The following SGMS1 variants were observed in gnomAD, a reference collection of about 807,000 sequenced individuals.
The protein encoded by SGMS1 is sphingomyelin synthase 1.
In SGMS1, 13 loss-of-function variants were observed where a neutral mutation model predicts 46.2. The ratio of observed to expected loss-of-function variants is 0.28; its 90% CI spans 0.18 to 0.45. SGMS1 has a LOEUF of 0.45. SGMS1 is among the 20% of genes least tolerant of loss of function. The probability of loss-of-function intolerance (pLI) is 1.00; values close to 1 mark genes in which losing one functional copy is unlikely to be tolerated. For synonymous variants in SGMS1, 203 were observed against 187.8 expected (o/e 1.08, Z -0.66); for missense variants, 324 against 519.9 (o/e 0.62, Z 3.66).
chr10:50,605,139 A>G (rs1033306275), intron 1 of SGMS1, among the ~76,000 whole-genome samples: 3 of 80,784 alleles, frequency 3.7e-5, no homozygotes, highest in Non-Finnish European at 5.5e-5. Context: ...AGGCACCACA[A>G]AACCCCGGAC....
chr10:50,362,866 C>A (rs1349813895), intron 6 of SGMS1, among the ~76,000 whole-genome samples: 1 of 152,106 alleles, frequency 6.6e-6, no homozygotes, highest in African/African-American at 2.4e-5. Flanking sequence ...TCTCCTCTGG[C>A]CTGTGACCCA....
At chr10:50,448,757 A>AT (rs142124080) in intron 5 of SGMS1, among the ~76,000 whole-genome samples, 6,192 of 140,678 alleles carry the variant, frequency 0.044, 493 homozygotes, top group African/African-American at 0.15. Flanking sequence ...AAAAAAAAAA[A>AT]AAAAGAATGA....
intron 6 of SGMS1, among the ~76,000 whole-genome samples, chr10:50,388,017 G>C (rs1213906460): frequency 1.3e-5 from 2 of 152,194 alleles, no homozygotes; most frequent in Non-Finnish European, 2.9e-5. Flanking sequence ...ACTATATACA[G>C]AGAAACCTTT....
At chr10:50,363,515 A>G (rs1241226128) in intron 6 of SGMS1, among the ~76,000 whole-genome samples, 1 of 152,196 alleles carries the variant, frequency 6.6e-6, no homozygotes, top group South Asian at 2.1e-4. Flanking sequence ...TCCCCACACC[A>G]TAGAATACTG....
intron 6 of SGMS1, among the ~76,000 whole-genome samples, chr10:50,430,908 C>T (rs1181893981): frequency 1.3e-5 from 2 of 151,944 alleles, no homozygotes; most frequent in Non-Finnish European, 2.9e-5. Flanking sequence ...TTTATATCAA[C>T]AAACATGAGT....
chr10:50,616,311 T>C (rs1838796857), intron 1 of SGMS1, among the ~76,000 whole-genome samples: 2 of 152,002 alleles, frequency 1.3e-5, no homozygotes, highest in Admixed American at 1.3e-4. Flanking sequence ...TTTATTTATT[T>C]ATTTAGTAGA....
intron 3 of SGMS1, among the ~76,000 whole-genome samples, chr10:50,475,781 A>T (rs1050356733): frequency 6.6e-6 from 1 of 152,082 alleles, no homozygotes; most frequent in African/African-American, 2.4e-5. Flanking sequence ...CCTGTCAACC[A>T]TGTAAAGATG....
intron 5 of SGMS1, among the ~76,000 whole-genome samples, chr10:50,458,585 T>G (rs1009967122): frequency 6.6e-6 from 1 of 151,852 alleles, no homozygotes; most frequent in African/African-American, 2.4e-5. Flanking sequence ...GGTCTCAATC[T>G]CCTGACCTCG....
intron 2 of SGMS1, among the ~76,000 whole-genome samples, chr10:50,575,438 T>G (rs1202447970): frequency 6.6e-6 from 1 of 152,014 alleles, no homozygotes; most frequent in East Asian, 1.9e-4. Flanking sequence ...TGTAGTTACT[T>G]GGGAAGCTGA....
At chr10:50,420,969 C>A (rs1421612142) in intron 6 of SGMS1, among the ~76,000 whole-genome samples, 1 of 152,174 alleles carries the variant, frequency 6.6e-6, no homozygotes, top group Admixed American at 6.5e-5. Context: ...TGTTTGGCTG[C>A]AATCATAACT....
chr10:50,308,943 C>T (rs1847215120), intron 9 of SGMS1, among the ~76,000 whole-genome samples: 1 of 152,212 alleles, frequency 6.6e-6, no homozygotes, highest in Non-Finnish European at 1.5e-5. Flanking sequence ...ATTCATTCAA[C>T]CAATATTCAT....
chr10:50,386,347 T>C (rs958254314), intron 6 of SGMS1, among the ~76,000 whole-genome samples: 2 of 152,208 alleles, frequency 1.3e-5, no homozygotes, highest in South Asian at 2.1e-4. Context: ...TTACTTCATA[T>C]AGCTTAGACG....
At chr10:50,382,091 T>C (rs1322981231) in intron 6 of SGMS1, among the ~76,000 whole-genome samples, 1 of 152,236 alleles carries the variant, frequency 6.6e-6, no homozygotes, top group East Asian at 1.9e-4. Flanking sequence ...TATATCTTGA[T>C]ATACACATAT....
At chr10:50,488,253 A>T (rs1179378856) in intron 3 of SGMS1, among the ~76,000 whole-genome samples, 1 of 151,958 alleles carries the variant, frequency 6.6e-6, no homozygotes, top group African/African-American at 2.4e-5. Flanking sequence ...ACTTCAAATG[A>T]TCCATCCACC....
chr10:50,391,367 C>G (rs1282572720), intron 6 of SGMS1, among the ~76,000 whole-genome samples: 1 of 152,078 alleles, frequency 6.6e-6, no homozygotes, highest in Non-Finnish European at 1.5e-5. Flanking sequence ...CTTTTAAAAG[C>G]TGAATTTTTT....
rs554808941 is a variant in SGMS1, at chr10:50,608,675, G to A, written c.-684+15032C>T. On this transcript the variant is annotated intron_variant, in intron 1 of 10. Coordinates refer to ENST00000361781, the MANE Select transcript of SGMS1 (RefSeq NM_147156.4). Reference sequence around the variant, plus strand: ...AAAAAATCAGTAATTTCAAGTCAAAGATGTAGCCTAATAACAAGTACAGAG... The same window carrying A: ...AAAAAATCAGTAATTTCAAGTCAAAAATGTAGCCTAATAACAAGTACAGAG... Among the ~76,000 whole-genome samples the A allele has an allele frequency of 2.0e-5, 3 of 152,268 alleles. No individual in the cohort carries two copies. In the South Asian group the frequency reaches 6.2e-4, roughly 32 times the overall value.
chr10:50,363,016 T>C (rs762355465), intron 6 of SGMS1, among the ~76,000 whole-genome samples: 12 of 152,094 alleles, frequency 7.9e-5, no homozygotes, highest in Admixed American at 5.9e-4. Flanking sequence ...CTCAACAATC[T>C]AGCACCCACA....
chr10:50,562,004 G>A (rs1838240718), intron 2 of SGMS1, among the ~76,000 whole-genome samples: 1 of 152,148 alleles, frequency 6.6e-6, no homozygotes, highest in Non-Finnish European at 1.5e-5. Context: ...TTACAAAACA[G>A]GTGAGTTGAA....
chr10:50,381,238 T>C (rs147329114), intron 6 of SGMS1, among the ~76,000 whole-genome samples: 85 of 148,542 alleles, frequency 5.7e-4, no homozygotes, highest in African/African-American at 2.0e-3. Context: ...CCATGGTATA[T>C]GAAAAAGTGA....
Sources: allele counts gnomAD v4.1 joint callset (sites outside exome capture counted in the v4.1 genomes callset), GRCh38; gene constraint gnomAD v4.1.1; transcripts MANE v1.5; gene names NCBI Gene and HGNC (gene_info 2026-07-23, HGNC 2026-07-21).